Variants in STEAP4 observed in about 807,000 individuals in gnomAD.
STEAP4 encodes the protein STEAP4 metalloreductase, also known as metalloreductase STEAP4.
STEAP4 carries 36 observed loss-of-function variants against 43.6 expected under a neutral mutation model. The ratio of observed to expected loss-of-function variants is 0.83; its 90% CI spans 0.63 to 1.09. The LOEUF (loss-of-function observed/expected upper bound fraction) is 1.09, where lower values mean the gene tolerates loss of function less well. STEAP4 is among the 50% of genes least tolerant of loss of function. The probability of loss-of-function intolerance (pLI) is 0.00; values close to 1 mark genes in which losing one functional copy is unlikely to be tolerated. For synonymous variants in STEAP4, 191 were observed against 196.7 expected, an observed-to-expected ratio of 0.97 and a Z score of 0.24; for missense variants, 495 against 546.5, an observed-to-expected ratio of 0.91 and a Z score of 0.94.
intron 1 of STEAP4, among the ~76,000 whole-genome samples, chr7:88,299,089 C>T (rs966922738): frequency 6.8e-5 from 10 of 147,602 alleles, no homozygotes; most frequent in African/African-American, 2.2e-4. Flanking sequence ...ATTTTACTAA[C>T]ACTATAAATT....
chr7:88,280,854 A>G (rs1852605493), intron 4 of STEAP4, 61 bp downstream of exon 4: 10 of 1,424,556 alleles, frequency 7.0e-6, no homozygotes, highest in South Asian at 1.5e-5. Flanking sequence ...ATTTTTAAAT[A>G]TGATTGCTAG....
At position 88,273,504 on chromosome 7, in the gene STEAP4, GT is replaced by G. The variant is rs1378435737; in HGVS notation, c.*5893del. 19 of 106,790 alleles carry G rather than the reference GT, an allele frequency of 1.8e-4. No homozygotes were observed. Among genetic ancestry groups the G allele is most frequent in the African/African-American group, 4.9e-4 (16 of 32,914 alleles). 6.6% of individuals were successfully genotyped at this position (106,790 alleles called of 1,614,324 possible). A position where few individuals can be genotyped will look rare whatever the true frequency, so the allele number is the denominator to read the frequency against. ...TATAGGTAATGGAACTAAGCCTGGT[GT>G]GTGTGTGTGTGTGTGTGTGTAACCC... On this transcript the variant is annotated 3_prime_UTR_variant, in exon 5 of 5. Transcript: ENST00000380079.
intron 1 of STEAP4, among the ~76,000 whole-genome samples, chr7:88,287,648 C>T (rs928939781): frequency 2.0e-5 from 3 of 152,126 alleles, no homozygotes; most frequent in African/African-American, 7.2e-5. Context: ...AGTGGTTAAG[C>T]CAGATTACCA....
At chr7:88,290,956 C>T (rs1036774905) in intron 1 of STEAP4, 2 of 152,180 alleles carry the variant, frequency 1.3e-5, no homozygotes, top group Admixed American at 6.5e-5. Flanking sequence ...AGGGCTCTCA[C>T]ACCTCGCCCG....
intron 1 of STEAP4, among the ~76,000 whole-genome samples, chr7:88,295,801 C>T (rs1399754320): frequency 6.6e-6 from 1 of 152,130 alleles, no homozygotes; most frequent in African/African-American, 2.4e-5. Flanking sequence ...GTAAAGTTAT[C>T]TTTTTCTTTT....
intron 1 of STEAP4, among the ~76,000 whole-genome samples, chr7:88,299,375 G>A (rs1586753725): frequency 6.6e-6 from 1 of 152,148 alleles, no homozygotes; most frequent in African/African-American, 2.4e-5. Context: ...ATGACAACAA[G>A]GTCAGGGATT....
intron 1 of STEAP4, among the ~76,000 whole-genome samples, chr7:88,306,449 G>T (rs1430739014): frequency 6.6e-5 from 10 of 152,348 alleles, no homozygotes; most frequent in African/African-American, 2.2e-4. Flanking sequence ...GAGACTGACT[G>T]CTAAAGCCAC....
rs952909184 is a variant in STEAP4 at position 88,277,710 on chromosome 7, A to C, written c.*1688T>G. ...CCCTGTCTCTACTAAAAGTACAAAA[A>C]TTAGCTGGGCATAGTGGCACATGCC... On this transcript the variant is annotated 3_prime_UTR_variant, in exon 5 of 5. Coordinates refer to ENST00000380079, the MANE Select transcript of STEAP4 (RefSeq NM_024636.4). 3.3e-5 allele frequency: 5 copies of C among 152,182 alleles called. No homozygotes were observed. The highest frequency in any genetic ancestry group is 1.2e-4 in the African/African-American group (5 of 41,436). 9.4% of individuals were successfully genotyped at this position (152,182 alleles called of 1,614,324 possible).
chr7:88,288,034 T>TTC (rs1314197170), intron 1 of STEAP4, among the ~76,000 whole-genome samples: 1 of 152,230 alleles, frequency 6.6e-6, no homozygotes, highest in East Asian at 1.9e-4. Flanking sequence ...TCTTTCACTG[T>TTC]CATAATTTCT....
chr7:88,292,532 T>TC (rs985758835), intron 1 of STEAP4: 4 of 152,216 alleles, frequency 2.6e-5, no homozygotes, highest in Non-Finnish European at 5.9e-5. Flanking sequence ...TGTGCATCTT[T>TC]CACCCAGTTT....
In STEAP4 at chr7:88,282,550, A is replaced by G. The variant is rs948023533; in HGVS notation, c.984+91T>C. 8 of 1,230,110 alleles carry G rather than the reference A, an allele frequency of 6.5e-6. No homozygotes were observed. In the African/African-American group the frequency reaches 1.1e-4, roughly 17 times the overall value. 76.2% of individuals were successfully genotyped at this position (1,230,110 alleles called of 1,614,324 possible). ...TACTTTAAAAAAGAAGATGCTTAGAAGAGTGACTTTCTATAATTATGAAAT... is the reference window on the plus strand; with the variant it reads ...TACTTTAAAAAAGAAGATGCTTAGAGGAGTGACTTTCTATAATTATGAAAT... On this transcript the variant is annotated intron_variant, in intron 3 of 4. Transcript: ENST00000380079.
In STEAP4 at chr7:88,276,285, C is replaced by T. The variant is rs1852512152; in HGVS notation, c.*3113G>A. The T allele has an allele frequency of 6.6e-6, 1 of 152,236 alleles. No homozygotes were observed. 9.4% of individuals were successfully genotyped at this position (152,236 alleles called of 1,614,324 possible). A position where few individuals can be genotyped will look rare whatever the true frequency, so the allele number is the denominator to read the frequency against. ...GCAGATCTGTTAATGCACTTTCAAA[C>T]CCATGCACTGCCTTCTCTTTTGCTT... On this transcript the variant is annotated 3_prime_UTR_variant, in exon 5 of 5. Coordinates refer to ENST00000380079, the MANE Select transcript of STEAP4 (RefSeq NM_024636.4).
chr7:88,282,442 C>A, intron 3 of STEAP4, 199 bp downstream of exon 3: 1 of 616,838 alleles, frequency 1.6e-6, no homozygotes. Context: ...CCACCGCCCC[C>A]GGCAAACTTT....
intron 1 of STEAP4, among the ~76,000 whole-genome samples, chr7:88,302,288 G>T (rs1853048920): frequency 6.6e-6 from 1 of 152,244 alleles, no homozygotes; most frequent in Non-Finnish European, 1.5e-5. Context: ...TGAGAAACGA[G>T]ATGGACCCTG....
At chr7:88,287,784 CA>C (rs941764272) in intron 1 of STEAP4, among the ~76,000 whole-genome samples, 69 of 152,252 alleles carry the variant, frequency 4.5e-4, no homozygotes, top group African/African-American at 1.6e-3. Flanking sequence ...CTCTTGTAGC[CA>C]GAGGCTGCAT....
intron 1 of STEAP4, among the ~76,000 whole-genome samples, chr7:88,298,862 T>C (rs1298715408): frequency 6.6e-6 from 1 of 152,174 alleles, no homozygotes; most frequent in Non-Finnish European, 1.5e-5. Flanking sequence ...TTGTATCCCA[T>C]AGCAACTGAA....
chr7:88,303,595 C>T (rs900116954), intron 1 of STEAP4, among the ~76,000 whole-genome samples: 1 of 151,952 alleles, frequency 6.6e-6, no homozygotes. Flanking sequence ...TGAATAAACT[C>T]TTACAGAACA....
rs963105902 is a variant in STEAP4 at position 88,271,447 on chromosome 7, A to G, written c.*7951T>C. On this transcript the variant is annotated 3_prime_UTR_variant, in exon 5 of 5. Transcript: ENST00000380079. Reference sequence around the variant, plus strand: ...TGTACCTTTTTAAAAACTGAACAGTATATTTTGGACATCTTTCCATATATG... The same window carrying G: ...TGTACCTTTTTAAAAACTGAACAGTGTATTTTGGACATCTTTCCATATATG... 6.6e-5 allele frequency: 10 copies of G among 152,188 alleles called. No homozygotes were observed. Among genetic ancestry groups the G allele is most frequent in the African/African-American group, 9.7e-5 (4 of 41,446 alleles). The allele number at this position is 152,188 out of a possible 1,614,324, so 9.4% of individuals were successfully genotyped here. A position where few individuals can be genotyped will look rare whatever the true frequency, so the allele number is the denominator to read the frequency against.
chr7:88,291,492 GA>G (rs369820733), intron 1 of STEAP4, among the ~76,000 whole-genome samples: 2,540 of 88,324 alleles, frequency 0.029, 51 homozygotes, highest in African/African-American at 0.093. Context: ...ATCTCAAAAA[GA>G]AAAAAAAAAA....
Sources: allele counts gnomAD v4.1 joint callset (sites outside exome capture counted in the v4.1 genomes callset), GRCh38; gene constraint gnomAD v4.1.1; transcripts MANE v1.5; gene names NCBI Gene and HGNC (gene_info 2026-07-23, HGNC 2026-07-21).